Variants in KSR2 observed in about 807,000 individuals in gnomAD.
The protein encoded by KSR2 is kinase suppressor of ras 2.
KSR2 carries 25 observed loss-of-function variants against 107.8 expected under a neutral mutation model. The observed-to-expected ratio is 0.23, with a 90% CI of 0.17 to 0.32. KSR2 has a LOEUF of 0.32. KSR2 is among the 10% of genes least tolerant of loss of function. KSR2 has a pLI of 1.00. For synonymous variants in KSR2, 480 were observed against 507.0 expected, an observed-to-expected ratio of 0.95 and a Z score of 0.71; for missense variants, 887 against 1,268.9, an observed-to-expected ratio of 0.70 and a Z score of 4.57.
intron 1 of KSR2, among the ~76,000 whole-genome samples, chr12:117,966,386 G>A (rs540633322): frequency 6.6e-6 from 1 of 152,160 alleles, no homozygotes; most frequent in South Asian, 2.1e-4. Flanking sequence ...CAGAAGGCTG[G>A]ATCAGAACAT....
intron 5 of KSR2, among the ~76,000 whole-genome samples, chr12:117,652,892 C>T (rs1241590979): frequency 6.6e-6 from 1 of 152,132 alleles, no homozygotes; most frequent in African/African-American, 2.4e-5. Context: ...TTCCCCAGTG[C>T]CAGAATGCTT....
intron 3 of KSR2, among the ~76,000 whole-genome samples, chr12:117,838,208 C>G (rs1316551370): frequency 6.6e-6 from 1 of 152,228 alleles, no homozygotes; most frequent in African/African-American, 2.4e-5. Context: ...CGCACTGTCA[C>G]CCGGGCTGGA....
chr12:117,845,874 G>A (rs958334498), intron 3 of KSR2, among the ~76,000 whole-genome samples: 2 of 150,212 alleles, frequency 1.3e-5, no homozygotes, highest in African/African-American at 4.9e-5. Flanking sequence ...TTTTTCAGTA[G>A]AGATGGGGTT....
intron 4 of KSR2, among the ~76,000 whole-genome samples, chr12:117,731,773 C>G (rs903348346): frequency 2.0e-5 from 3 of 151,748 alleles, no homozygotes; most frequent in Admixed American, 2.0e-4. Context: ...GCTGTGTCCA[C>G]TCAGGGTTAA....
rs74353101 is a variant in KSR2, at chr12:117,885,227, G to A, written c.181-24796C>T. Among the ~76,000 whole-genome samples the A allele has an allele frequency of 3.6e-3, 543 of 152,300 alleles. 2 individuals carry two copies. Among genetic ancestry groups the A allele is most frequent in the African/African-American group, 0.012 (488 of 41,554 alleles). On this transcript the variant is annotated intron_variant, in intron 1 of 19. Coordinates refer to ENST00000339824, the MANE Select transcript of KSR2 (RefSeq NM_173598.6). ...ACCTGGAATCCAGGTCTTTCCGATA[G>A]AGATCTTAGGGGTCACTACTGCCCC...
In KSR2 at chr12:117,471,190, C is replaced by T; in HGVS notation, c.2712+1G>A. The T allele has an allele frequency of 6.2e-7, 1 of 1,613,800 alleles. No individual in the cohort carries two copies. The highest frequency in any genetic ancestry group is 8.5e-7 in the Non-Finnish European group (1 of 1,179,772). On this transcript the variant is annotated splice_donor_variant, in intron 18 of 19. Coordinates refer to ENST00000339824, the MANE Select transcript of KSR2 (RefSeq NM_173598.6). LOFTEE classifies it high-confidence loss of function. The stretch of plus-strand genomic sequence containing the variant: ...AAGTCTGGACCTATCTTGGGACTTA[C>T]CGAGATTTCTTTTCCCATGCCAATC...
chr12:117,552,092 T>C (rs1449115971), intron 9 of KSR2, among the ~76,000 whole-genome samples: 2 of 152,198 alleles, frequency 1.3e-5, no homozygotes, highest in African/African-American at 4.8e-5. Context: ...CTCCCAGCAG[T>C]GGGGATCCCC....
At chr12:117,500,052 A>T (rs897312999) in intron 14 of KSR2, among the ~76,000 whole-genome samples, 3 of 152,104 alleles carry the variant, frequency 2.0e-5, no homozygotes, top group Admixed American at 2.0e-4. Flanking sequence ...AGATAAGGAG[A>T]TGGGGAGGGA....
At chr12:117,929,557 A>G (rs1403630448) in intron 1 of KSR2, among the ~76,000 whole-genome samples, 1 of 152,208 alleles carries the variant, frequency 6.6e-6, no homozygotes, top group Non-Finnish European at 1.5e-5. Context: ...CAGCATGAAA[A>G]CAGACTAATA....
chr12:117,733,609 T>C (rs1380457286), intron 4 of KSR2, among the ~76,000 whole-genome samples: 1 of 152,150 alleles, frequency 6.6e-6, no homozygotes, highest in Non-Finnish European at 1.5e-5. Flanking sequence ...CCTGCTGTAT[T>C]TACTCCCTGG....
chr12:117,469,295 C>G (rs1362687086), intron 19 of KSR2, among the ~76,000 whole-genome samples: 1 of 152,142 alleles, frequency 6.6e-6, no homozygotes, highest in East Asian at 1.9e-4. Flanking sequence ...GGAAGAGTTC[C>G]AGAAAGCTGG....
At chr12:117,666,773 C>A (rs1237229536) in intron 5 of KSR2, among the ~76,000 whole-genome samples, 1 of 152,206 alleles carries the variant, frequency 6.6e-6, no homozygotes, top group Non-Finnish European at 1.5e-5. Flanking sequence ...AAGTTGCTGT[C>A]TTGGCTGGAG....
At chr12:117,605,581 G>C (rs556347269) in intron 5 of KSR2, among the ~76,000 whole-genome samples, 1 of 151,924 alleles carries the variant, frequency 6.6e-6, no homozygotes, top group Non-Finnish European at 1.5e-5. Flanking sequence ...AGTATGTGTT[G>C]TTCCCCTTCC....
chr12:117,927,654 C>T (rs777899382), intron 1 of KSR2, among the ~76,000 whole-genome samples: 1 of 151,840 alleles, frequency 6.6e-6, no homozygotes. Flanking sequence ...GATCACGCTA[C>T]TGCACTCCAA....
intron 3 of KSR2, among the ~76,000 whole-genome samples, chr12:117,792,286 G>C (rs1296024141): frequency 3.3e-5 from 5 of 152,118 alleles, no homozygotes; most frequent in Non-Finnish European, 7.4e-5. Context: ...GGAGGTCGAG[G>C]CTGCAGTGAG....
intron 4 of KSR2, among the ~76,000 whole-genome samples, chr12:117,699,391 A>C (rs1350417480): frequency 6.6e-6 from 1 of 152,190 alleles, no homozygotes; most frequent in Non-Finnish European, 1.5e-5. Context: ...CATCCTAAGA[A>C]ATGCATTAGG....
intron 3 of KSR2, among the ~76,000 whole-genome samples, chr12:117,788,791 G>A (rs1044864176): frequency 6.6e-6 from 1 of 152,202 alleles, no homozygotes; most frequent in Non-Finnish European, 1.5e-5. Context: ...GGGATTATAG[G>A]TGTGAGCCAC....
chr12:117,547,897 C>G (rs1876993065), intron 9 of KSR2, among the ~76,000 whole-genome samples: 1 of 151,132 alleles, frequency 6.6e-6, no homozygotes, highest in African/African-American at 2.5e-5. Context: ...GAGTTCAAGA[C>G]CAGCCTGGCC....
chr12:117,612,255 T>A (rs552182554), intron 5 of KSR2, among the ~76,000 whole-genome samples: 3 of 152,074 alleles, frequency 2.0e-5, no homozygotes, highest in Admixed American at 6.5e-5. Flanking sequence ...ATACAAAAAA[T>A]TAGCCGGGCG....
Sources: gnomAD v4.1 joint callset for allele counts (sites outside exome capture counted in the v4.1 genomes callset) on GRCh38, gnomAD v4.1.1 for gene constraint, MANE v1.5 for transcripts, NCBI Gene and HGNC (gene_info 2026-07-23, HGNC 2026-07-21) for gene names.